Variants in TMC6 observed in about 807,000 individuals in gnomAD.
TMC6 encodes transmembrane channel like 6.
A neutral mutation model predicts 95.4 loss-of-function variants in TMC6; 71 were observed. The observed-to-expected ratio is 0.74, with a 90% CI of 0.61 to 0.91. The LOEUF is 0.91. TMC6 is among the 40% of genes least tolerant of loss of function. The probability of loss-of-function intolerance (pLI) is 0.00; values close to 1 mark genes in which losing one functional copy is unlikely to be tolerated. For synonymous variants in TMC6, 514 were observed against 483.1 expected, an observed-to-expected ratio of 1.06 and a Z score of -0.84; for missense variants, 1,074 against 1,079.1, an observed-to-expected ratio of 1.00 and a Z score of 0.07.
upstream of TMC6, chr17:78,132,158 CT>C (rs1568013308): frequency 6.2e-6 from 9 of 1,449,932 alleles, no homozygotes; most frequent in Non-Finnish European, 5.6e-6. Flanking sequence ...CCCCTCCCCC[CT>C]CCCACCCCTT....
In TMC6 at chr17:78,108,786, A is replaced by AT. The variant is rs1555649239; in HGVS notation, c.*4361dup. ...TCTTCACCTGCATCTGTGGATATAT[A>AT]TTTTTTTAAGTTTATTAAATTTTTT... On this transcript the variant is annotated 3_prime_UTR_variant, in exon 20 of 20. Transcript: ENST00000590602. The AT allele has an allele frequency of 6.6e-6, 1 of 152,198 alleles. No homozygotes were observed. The highest frequency in any genetic ancestry group is 1.5e-5 in the Non-Finnish European group (1 of 68,078). The allele number at this position is 152,198 out of a possible 1,614,324, so 9.4% of individuals were successfully genotyped here. A position where few individuals can be genotyped will look rare whatever the true frequency, so the allele number is the denominator to read the frequency against.
At chr17:78,132,400 C>T (rs769970838), upstream of TMC6, 4 of 1,612,910 alleles carry the variant, frequency 2.5e-6, no homozygotes, top group East Asian at 2.2e-5. Flanking sequence ...CACCTTCCTC[C>T]GCTTCCTGCT....
intron 5 of TMC6, among the ~76,000 whole-genome samples, 170 bp downstream of exon 5, chr17:78,125,556 C>A (rs533380161): frequency 2.0e-5 from 3 of 152,364 alleles, no homozygotes. Context: ...ACTTCCCTGT[C>A]CCCGTGGGTC....
chr17:78,114,136 C>G (rs1166601965), intron 18 of TMC6, among the ~76,000 whole-genome samples: 1 of 152,084 alleles, frequency 6.6e-6, no homozygotes, highest in Non-Finnish European at 1.5e-5. Context: ...ATGATCAGGG[C>G]TACATTCCTC....
intron 5 of TMC6, among the ~76,000 whole-genome samples, chr17:78,125,515 C>T (rs915175134): frequency 1.3e-5 from 2 of 152,392 alleles, no homozygotes; most frequent in African/African-American, 4.8e-5. Flanking sequence ...GCCCTCCAAG[C>T]ACTCCAAGGC....
In TMC6 at chr17:78,119,099, G is replaced by A. The variant is rs2074279102; in HGVS notation, c.1812-53C>T. ...TGCTCCAGTGCCCTCCCCTCCCCGA[G>A]ATCAGGCTGGTTCCAGACCACGGGC... is the stretch of plus-strand genomic sequence containing the variant. On this transcript the variant is annotated intron_variant, in intron 14 of 19. Coordinates refer to ENST00000590602, the MANE Select transcript of TMC6 (RefSeq NM_001127198.5). The A allele has an allele frequency of 3.9e-6, 6 of 1,544,776 alleles. 1 individual carries two copies. The South Asian group carries it at 7.0e-5, about 18-fold the overall frequency.
In TMC6 at chr17:78,125,153, C is replaced by G. The variant is rs2074641526; in HGVS notation, c.536+5G>C. 1 of 1,557,960 alleles carries G rather than the reference C, an allele frequency of 6.4e-7. No individual in the cohort carries two copies. Among genetic ancestry groups the G allele is most frequent in the Non-Finnish European group, 8.7e-7 (1 of 1,151,176 alleles). On this transcript the variant is annotated splice_donor_5th_base_variant and intron_variant, in intron 6 of 19. Coordinates refer to ENST00000590602, the MANE Select transcript of TMC6 (RefSeq NM_001127198.5). Reference sequence around the variant, plus strand: ...GGCGGCATGGTCAGGGTCGGGGCTGCTCACCGCAGGCTGCGTTTCTCAGCC... The same window carrying G: ...GGCGGCATGGTCAGGGTCGGGGCTGGTCACCGCAGGCTGCGTTTCTCAGCC...
chr17:78,123,936 G>T (rs532510065), intron 9 of TMC6, 53 bp downstream of exon 9: 2 of 1,599,272 alleles, frequency 1.3e-6, no homozygotes, highest in Admixed American at 3.3e-5. Flanking sequence ...GTCGAAAGAT[G>T]AATGGATGGA....
At chr17:78,118,168 G>A in intron 15 of TMC6, 1 of 653,932 alleles carries the variant, frequency 1.5e-6, no homozygotes, top group Non-Finnish European at 2.6e-6. Flanking sequence ...GCCATGCCAG[G>A]CTCTGCACAC....
Position 78,126,729 on chromosome 17 carries a change from G to T in TMC6, c.56+48C>A, listed in dbSNP as rs748794435. The T allele has an allele frequency of 5.0e-6, 8 of 1,610,942 alleles. No homozygotes were observed. In the South Asian group the frequency reaches 8.8e-5, roughly 18 times the overall value. ...GCCCCTGCTCAGGTGACCTCTCCGTGGGGGGTGGAACATTCCAGCCTCCAG... is the reference window on the plus strand; with the variant it reads ...GCCCCTGCTCAGGTGACCTCTCCGTTGGGGGTGGAACATTCCAGCCTCCAG... On this transcript the variant is annotated intron_variant, in intron 2 of 19. Transcript: ENST00000590602.
intron 18 of TMC6, chr17:78,113,883 C>G (rs933549558): frequency 2.0e-6 from 1 of 497,930 alleles, no homozygotes; most frequent in African/African-American, 1.9e-5. Flanking sequence ...CCAGAGCCAG[C>G]CTGACTCAAT....
Position 78,111,207 on chromosome 17 carries a change from G to C in TMC6, c.*1941C>G, listed in dbSNP as rs909506608. ...TCGGCCCCTCTCGATGAGATCACTG[G>C]GCCCCACAGCCTGGCCTGGTTGACA... On this transcript the variant is annotated 3_prime_UTR_variant, in exon 20 of 20. Transcript: ENST00000590602. The C allele has an allele frequency of 9.2e-5, 14 of 152,374 alleles. No individual in the cohort carries two copies. The highest frequency in any genetic ancestry group is 2.9e-4 in the African/African-American group (12 of 41,548). 9.4% of individuals were successfully genotyped at this position (152,374 alleles called of 1,614,324 possible).
intron 18 of TMC6, 171 bp from the exon 19 acceptor site, chr17:78,113,795 C>A (rs920946429): frequency 7.1e-6 from 5 of 708,616 alleles, no homozygotes; most frequent in East Asian, 2.7e-5. Flanking sequence ...AAGGAAAAAC[C>A]AAGAGCCAGG....
At position 78,108,959 on chromosome 17, in the gene TMC6, C is replaced by T. The variant is rs113880039; in HGVS notation, c.*4189G>A. On this transcript the variant is annotated 3_prime_UTR_variant, in exon 20 of 20. Coordinates refer to ENST00000590602, the MANE Select transcript of TMC6 (RefSeq NM_001127198.5). ...GGTTAAGCTCCAGCGATCTTCCGAC[C>T]TCAGCCTCCCAAGTAGCTGGGACCA... The T allele has an allele frequency of 2.5e-5, 4 of 160,982 alleles. No homozygotes were observed. Among genetic ancestry groups the T allele is most frequent in the Non-Finnish European group, 5.5e-5 (4 of 72,652 alleles). 10.0% of individuals were successfully genotyped at this position (160,982 alleles called of 1,614,324 possible).
rs116768485 is a variant in TMC6 at position 78,113,421 on chromosome 17, T to G, written c.2354+127A>C. The G allele has an allele frequency of 6.8e-4, 884 of 1,306,178 alleles. 5 individuals are homozygous for G. The African/African-American group carries it at 0.011, about 17-fold the overall frequency. 80.9% of individuals were successfully genotyped at this position (1,306,178 alleles called of 1,614,324 possible). On this transcript the variant is annotated intron_variant, in intron 19 of 19. Coordinates refer to ENST00000590602, the MANE Select transcript of TMC6 (RefSeq NM_001127198.5). The stretch of plus-strand genomic sequence containing the variant: ...AAGGTGGGCGCCGGGGGGGAGATTT[T>G]TGTAGGTCAAAAGCGGTCAAGTGTC...
In TMC6 at chr17:78,115,299, C is replaced by T. The variant is rs1001470113; in HGVS notation, c.2278-1675G>A. On this transcript the variant is annotated intron_variant, in intron 18 of 19. Transcript: ENST00000590602. ...CCCGCCCTGCCCTCGCCTTGGCAGA[C>T]GCCAGCCGCTGATCCCCACAAGCGC... Among the ~76,000 whole-genome samples the T allele has an allele frequency of 1.2e-4, 19 of 152,232 alleles. 1 individual carries two copies. The highest frequency in any genetic ancestry group is 6.2e-4 in the South Asian group (3 of 4,836).
At position 78,109,347 on chromosome 17, in the gene TMC6, A is replaced by G. The variant is rs368432940; in HGVS notation, c.*3801T>C. On this transcript the variant is annotated 3_prime_UTR_variant, in exon 20 of 20. Coordinates refer to ENST00000590602, the MANE Select transcript of TMC6 (RefSeq NM_001127198.5). Reference sequence around the variant, plus strand: ...CTCTGCAGGAGTGCGGTGTCTACGGATGGACCAAGAAAACCTACGCAGGAT... The same window carrying G: ...CTCTGCAGGAGTGCGGTGTCTACGGGTGGACCAAGAAAACCTACGCAGGAT... 39 of 425,684 alleles carry G rather than the reference A, an allele frequency of 9.2e-5. No individual in the cohort carries two copies. In the East Asian group the frequency reaches 2.2e-3, roughly 24 times the overall value. 26.4% of individuals were successfully genotyped at this position (425,684 alleles called of 1,614,324 possible). A position where few individuals can be genotyped will look rare whatever the true frequency, so the allele number is the denominator to read the frequency against.
In TMC6 at chr17:78,112,698, G is replaced by C. The variant is rs1598811976; in HGVS notation, c.*450C>G. On this transcript the variant is annotated 3_prime_UTR_variant, in exon 20 of 20. Coordinates refer to ENST00000590602, the MANE Select transcript of TMC6 (RefSeq NM_001127198.5). ...CGTGCCTGCTCGGCTCACTTGTGCA[G>C]GTGTAAGCCCCTCCTGGGCGCGAGT... 2.1e-5 allele frequency: 5 copies of C among 238,992 alleles called. No homozygotes were observed. The East Asian group carries it at 4.9e-4, about 23-fold the overall frequency. The allele number at this position is 238,992 out of a possible 1,614,324, so 14.8% of individuals were successfully genotyped here.
chr17:78,121,430 G>T lies in TMC6; in HGVS notation c.1383+126C>A. 1 of 1,509,236 alleles carries T rather than the reference G, an allele frequency of 6.6e-7. No homozygotes were observed. The highest frequency in any genetic ancestry group is 9.0e-7 in the Non-Finnish European group (1 of 1,109,080). The allele number at this position is 1,509,236 out of a possible 1,614,324, so 93.5% of individuals were successfully genotyped here. On this transcript the variant is annotated intron_variant, in intron 11 of 19. Coordinates refer to ENST00000590602, the MANE Select transcript of TMC6 (RefSeq NM_001127198.5). The surrounding 1 kb of genome is among the most constrained non-coding windows in gnomAD (Gnocchi z 5.6). ...GGAGGGGGCCCCAGCACGGGGCACA[G>T]CGTACGTGGCACCCTGGGCTGGCTG...
Sources: allele counts gnomAD v4.1 joint callset (sites outside exome capture counted in the v4.1 genomes callset), GRCh38; gene constraint gnomAD v4.1.1; non-coding constraint Gnocchi (gnomAD v3.1); transcripts MANE v1.5; gene names NCBI Gene and HGNC (gene_info 2026-07-23, HGNC 2026-07-21).